ERMARD: variants seen among roughly 807,000 people sequenced by gnomAD.
ERMARD encodes ER membrane associated RNA degradation.
ERMARD carries 71 observed loss-of-function variants against 83.9 expected under a neutral mutation model. The observed-to-expected ratio is 0.85, with a 90% CI of 0.70 to 1.03. The LOEUF (loss-of-function observed/expected upper bound fraction) is 1.03, where lower values mean the gene tolerates loss of function less well. Among genes scored for constraint, ERMARD ranks in the 50% least tolerant of loss-of-function variants. The pLI, the probability that ERMARD is intolerant of heterozygous loss-of-function variation, is 0.00. For synonymous variants in ERMARD, 284 were observed against 298.6 expected, an observed-to-expected ratio of 0.95 and a Z score of 0.50; for missense variants, 838 against 810.9, an observed-to-expected ratio of 1.03 and a Z score of -0.41.
intron 9 of ERMARD, 136 bp downstream of exon 9, chr6:169,762,667 C>T: frequency 1.6e-6 from 1 of 637,304 alleles, no homozygotes; most frequent in Non-Finnish European, 2.7e-6. Context: ...TGTGGAAGGC[C>T]TATCATTTCT....
intron 9 of ERMARD, among the ~76,000 whole-genome samples, chr6:169,765,580 T>G (rs1356918057): frequency 6.6e-6 from 1 of 152,222 alleles, no homozygotes; most frequent in Non-Finnish European, 1.5e-5. Context: ...AGTGGGAATA[T>G]GTGGTAGACG....
chr6:169,751,310 C>G (rs1356788427), upstream of ERMARD: 8 of 1,604,750 alleles, frequency 5.0e-6, no homozygotes, highest in African/African-American at 1.3e-5. Flanking sequence ...ACATAGCCGT[C>G]TCGGGCCCCT....
upstream of ERMARD, chr6:169,751,499 C>T (rs1312237419): frequency 1.2e-6 from 2 of 1,611,104 alleles, no homozygotes; most frequent in Non-Finnish European, 1.7e-6. Context: ...TCCCCTTCAC[C>T]GCCGGCGGTC....
intron 8 of ERMARD, among the ~76,000 whole-genome samples, chr6:169,761,285 C>T (rs903782260): frequency 2.6e-5 from 4 of 152,198 alleles, no homozygotes; most frequent in Admixed American, 6.5e-5. Flanking sequence ...GGAGCCACCT[C>T]GGCTCACTGC....
rs948081644 is a variant in ERMARD at position 169,760,041 on chromosome 6, A to G, written c.742+67A>G. 4.2e-5 allele frequency: 68 copies of G among 1,600,438 alleles called. No individual in the cohort carries two copies. The Admixed American group carries it at 1.1e-3, about 26-fold the overall frequency. ...GATATTTGCAAAGTCAGTAAACAGC[A>G]TTAAGAGGTGCACTCTTGAGGTGGG... On this transcript the variant is annotated intron_variant, in intron 7 of 17. Coordinates refer to ENST00000366773, the MANE Select transcript of ERMARD (RefSeq NM_018341.3).
At chr6:169,770,738 G>T (rs1043782548) in intron 12 of ERMARD, 1 of 152,058 alleles carries the variant, frequency 6.6e-6, no homozygotes, top group Non-Finnish European at 1.5e-5. Flanking sequence ...TCTTACCTCA[G>T]CCTCTTGAGT....
chr6:169,776,536 TG>T lies in ERMARD; in HGVS notation c.1603del (p.Val535CysfsTer22). 1 of 1,614,202 alleles carries T rather than the reference TG, an allele frequency of 6.2e-7. No individual in the cohort carries two copies. The highest frequency in any genetic ancestry group is 8.5e-7 in the Non-Finnish European group (1 of 1,180,032). ...CCAGGATTGTGCTGGAAGTGCTGGT[TG>T]TGCTCCGAAGCATCAGCGAACAGTG... ...CPRIVLEVLV[V>X]LRSISEQCRR... On this transcript the variant is annotated frameshift_variant, in exon 16 of 18. Transcript: ENST00000366773. LOFTEE classifies it high-confidence loss of function.
intron 11 of ERMARD, 115 bp from the exon 12 acceptor site, chr6:169,769,425 A>C: frequency 1.0e-6 from 1 of 958,696 alleles, no homozygotes; most frequent in South Asian, 2.0e-5. Flanking sequence ...GCAGAGTCCC[A>C]CCCAGGGCTT....
chr6:169,767,781 A>ACACACC, intron 10 of ERMARD: 1 of 350,154 alleles, frequency 2.9e-6, no homozygotes, highest in East Asian at 6.2e-5. Context: ...ACACACACAC[A>ACACACC]GGCACAGTTG....
intron 12 of ERMARD, chr6:169,771,739 G>A (rs1241854850): frequency 1.3e-5 from 2 of 152,064 alleles, no homozygotes; most frequent in African/African-American, 4.8e-5. Context: ...ACAGGTCTTA[G>A]AAATATGTTC....
In ERMARD at chr6:169,755,238, T is replaced by A. The variant is rs762429413; in HGVS notation, c.176-45T>A. On this transcript the variant is annotated intron_variant, in intron 2 of 17. Transcript: ENST00000366773. Reference sequence around the variant, plus strand: ...GATGATGTAGATATTTTATATCATGTGATATGGAGCTATGGTGCTGAAATT... The same window carrying A: ...GATGATGTAGATATTTTATATCATGAGATATGGAGCTATGGTGCTGAAATT... 2.5e-6 allele frequency: 4 copies of A among 1,573,588 alleles called. No individual in the cohort carries two copies. The South Asian group carries it at 3.5e-5, about 14-fold the overall frequency.
chr6:169,779,516 A>T (rs1199510205), intron 17 of ERMARD, among the ~76,000 whole-genome samples: 2 of 151,830 alleles, frequency 1.3e-5, no homozygotes, highest in African/African-American at 4.8e-5. Context: ...TTTTTTGGAG[A>T]CAGAGTCTTG....
chr6:169,753,988 T>A lies in ERMARD; in HGVS notation c.131T>A (p.Val44Glu). Residue 44 changes from valine (V) to glutamate (E), a missense_variant, in exon 2 of 18, where the codon GTA (valine) becomes GAA (glutamate). Coordinates refer to ENST00000366773, the MANE Select transcript of ERMARD (RefSeq NM_018341.3). ...INSIVTQNGEVCWKTITDCVS... is the reference protein window; with the variant it reads ...INSIVTQNGEECWKTITDCVS... Reference sequence around the variant, plus strand: ...AGCATTGTAACTCAGAATGGTGAAGTATGCTGGAAAACAATCACAGACTGT... The same window carrying A: ...AGCATTGTAACTCAGAATGGTGAAGAATGCTGGAAAACAATCACAGACTGT... The A allele has an allele frequency of 1.2e-6, 2 of 1,613,350 alleles. No individual in the cohort carries two copies. Among genetic ancestry groups the A allele is most frequent in the Non-Finnish European group, 1.7e-6 (2 of 1,179,552 alleles).
chr6:169,774,393 T>C (rs1793339084), intron 13 of ERMARD, among the ~76,000 whole-genome samples: 1 of 152,120 alleles, frequency 6.6e-6, no homozygotes, highest in African/African-American at 2.4e-5. Context: ...GGGGATGCCG[T>C]GCTTTCCAAG....
At chr6:169,765,446 C>A (rs1792080534) in intron 9 of ERMARD, among the ~76,000 whole-genome samples, 1 of 152,210 alleles carries the variant, frequency 6.6e-6, no homozygotes, top group African/African-American at 2.4e-5. Flanking sequence ...GTGAGATTTT[C>A]TGACTTCAGA....
intron 5 of ERMARD, 120 bp from the exon 6 acceptor site, chr6:169,758,848 T>G (rs2128344012): frequency 1.2e-6 from 1 of 822,182 alleles, no homozygotes; most frequent in Non-Finnish European, 2.0e-6. Context: ...TTATTACTGC[T>G]ATATACTAGC....
intron 17 of ERMARD, among the ~76,000 whole-genome samples, chr6:169,780,767 A>ATG (rs1435093051): frequency 6.6e-5 from 10 of 152,208 alleles, no homozygotes; most frequent in African/African-American, 2.4e-4. Context: ...TTTTCAGTAA[A>ATG]TATAGTTGGT....
Position 169,776,558 on chromosome 6 carries a change from C to T in ERMARD, c.1624C>T (p.Gln542Ter). The T allele has an allele frequency of 1.2e-6, 2 of 1,614,206 alleles. No individual in the cohort carries two copies. The highest frequency in any genetic ancestry group is 1.7e-6 in the Non-Finnish European group (2 of 1,180,050). Reference sequence around the variant, plus strand: ...GGTTGTGCTCCGAAGCATCAGCGAACAGTGCCGCCGTGTGTCCAGCCAGGT... The same window carrying T: ...GGTTGTGCTCCGAAGCATCAGCGAATAGTGCCGCCGTGTGTCCAGCCAGGT... ...VLVVLRSISE[Q>*]CRRVSSQVTV... is the part of the protein sequence containing the mutation. Residue 542 changes from glutamine to a stop codon, truncating the protein, a stop_gained, in exon 16 of 18, where the codon CAG becomes TAG. Transcript: ENST00000366773. LOFTEE classifies it high-confidence loss of function.
chr6:169,771,684 G>A (rs1349344479), intron 12 of ERMARD: 5 of 152,246 alleles, frequency 3.3e-5, no homozygotes, highest in African/African-American at 9.6e-5. Context: ...CTGCTCAGGC[G>A]GGAAGCCTTA....
Sources: gnomAD v4.1 joint callset for allele counts (sites outside exome capture counted in the v4.1 genomes callset) on GRCh38, gnomAD v4.1.1 for gene constraint, MANE v1.5 for transcripts, NCBI Gene and HGNC (gene_info 2026-07-23, HGNC 2026-07-21) for gene names.